The following PRSS12 variants were observed in gnomAD, a reference collection of about 807,000 sequenced individuals.
PRSS12 encodes the protein serine protease 12, also known as neurotrypsin.
Under a neutral mutation model 104.4 loss-of-function variants are expected in PRSS12, and 85 were observed. The observed-to-expected ratio is 0.81, with a 90% CI of 0.68 to 0.98. The LOEUF (loss-of-function observed/expected upper bound fraction) is 0.98. Among genes scored for constraint, PRSS12 ranks in the 50% least tolerant of loss-of-function variants. PRSS12 has a pLI of 0.00. For missense variants in PRSS12, 1,141 were observed against 1,139.2 expected, an observed-to-expected ratio of 1.00 and a Z score of -0.02; for synonymous variants, 454 against 425.2, an observed-to-expected ratio of 1.07 and a Z score of -0.83.
At chr4:118,348,344 C>T (rs80164490) in intron 1 of PRSS12, among the ~76,000 whole-genome samples, 6,468 of 152,336 alleles carry the variant, frequency 0.042, 217 homozygotes, top group South Asian at 0.14. Context: ...CTCCTAAAGC[C>T]TAACAGGGTT....
intron 2 of PRSS12, among the ~76,000 whole-genome samples, chr4:118,336,481 T>G (rs1474774203): frequency 1.3e-5 from 2 of 152,170 alleles, no homozygotes; most frequent in Non-Finnish European, 2.9e-5. Flanking sequence ...AACCAAACTG[T>G]AAATATTTGG....
chr4:118,336,099 C>T (rs1214931811), intron 2 of PRSS12, among the ~76,000 whole-genome samples: 1 of 152,190 alleles, frequency 6.6e-6, no homozygotes, highest in Non-Finnish European at 1.5e-5. Context: ...AAGATTCTTT[C>T]TGACTCTAAC....
intron 4 of PRSS12, among the ~76,000 whole-genome samples, chr4:118,328,105 A>C (rs1399294086): frequency 2.6e-5 from 4 of 152,332 alleles, no homozygotes; most frequent in South Asian, 4.1e-4. Flanking sequence ...CCATTAAAAA[A>C]CAATCCTCAT....
chr4:118,318,459 C>G lies in PRSS12; in HGVS notation c.1069G>C (p.Glu357Gln). Residue 357 changes from glutamate (E) to glutamine (Q), a missense_variant, in exon 5 of 13, where the codon GAG becomes CAG. Physicochemically the swap from Glu to Gln is conservative, Grantham distance 29. Coordinates refer to ENST00000296498, the MANE Select transcript of PRSS12 (RefSeq NM_003619.4). ...VRCTGNELSIEQCPKSSWGEH... is the reference protein window; with the variant it reads ...VRCTGNELSIQQCPKSSWGEH... ...CCCCAGGAGCTCTTTGGACACTGCT[C>G]AATTGAAAGCTCATTCCCAGTGCAG... 1 of 1,614,124 alleles carries G rather than the reference C, an allele frequency of 6.2e-7. No individual in the cohort carries two copies. The highest frequency in any genetic ancestry group is 8.5e-7 in the Non-Finnish European group (1 of 1,180,002).
chr4:118,282,106 T>A lies in PRSS12; in HGVS notation c.2458A>T (p.Ser820Cys), dbSNP rs760625530. The A allele has an allele frequency of 1.5e-5, 24 of 1,614,226 alleles. No individual in the cohort carries two copies. The African/African-American group carries it at 2.9e-4, about 20-fold the overall frequency. Residue 820 changes from serine to cysteine, a missense_variant, in exon 13 of 13, where the codon AGC (serine) becomes TGC (cysteine). By Grantham distance (112) the Ser-to-Cys change is moderately radical. Coordinates refer to ENST00000296498, the MANE Select transcript of PRSS12 (RefSeq NM_003619.4). The stretch of plus-strand genomic sequence containing the variant: ...GGTCCTCCGCTGTCTCCCTGGCAGC[T>A]GTCCACGCGTTTGTGTTCATGGAGG... ...GNLHEHKRVDSCQGDSGGPLM... is the reference protein window; with the variant it reads ...GNLHEHKRVDCCQGDSGGPLM...
At chr4:118,337,556 C>G (rs1490306105) in intron 2 of PRSS12, among the ~76,000 whole-genome samples, 1 of 151,986 alleles carries the variant, frequency 6.6e-6, no homozygotes, top group African/African-American at 2.4e-5. Context: ...GACAGCTCCT[C>G]AGGACAGCAG....
intron 7 of PRSS12, among the ~76,000 whole-genome samples, chr4:118,310,854 C>A (rs990106687): frequency 6.6e-6 from 1 of 152,102 alleles, no homozygotes; most frequent in African/African-American, 2.4e-5. Context: ...AGTTTGGGGC[C>A]AGCCTGGCCA....
intron 11 of PRSS12, among the ~76,000 whole-genome samples, chr4:118,293,844 C>CAT (rs1413535320): frequency 3.3e-5 from 5 of 152,148 alleles, no homozygotes; most frequent in Non-Finnish European, 7.3e-5. Flanking sequence ...GAAGGGAATC[C>CAT]ATATTCCAGG....
At chr4:118,331,990 G>C (rs1391982463) in intron 3 of PRSS12, 124 bp from the exon 4 acceptor site, 13 of 1,217,598 alleles carry the variant, frequency 1.1e-5, no homozygotes, top group African/African-American at 1.5e-5. Context: ...CCACACCAGT[G>C]ATATGGACAT....
intron 8 of PRSS12, among the ~76,000 whole-genome samples, chr4:118,300,988 C>A (rs1336614968): frequency 6.6e-6 from 1 of 152,076 alleles, no homozygotes; most frequent in African/African-American, 2.4e-5. Flanking sequence ...TCTTTGTGGG[C>A]AGCTTAGATT....
intron 3 of PRSS12, among the ~76,000 whole-genome samples, chr4:118,334,051 C>T (rs1724000664): frequency 1.3e-5 from 2 of 152,120 alleles, no homozygotes; most frequent in African/African-American, 4.8e-5. Flanking sequence ...AAGTGTAATT[C>T]CCAAATTTAA....
In PRSS12 at chr4:118,352,380, T is replaced by C. The variant is rs778595048; in HGVS notation, c.341A>G (p.Glu114Gly). 37 of 1,551,294 alleles carry C rather than the reference T, an allele frequency of 2.4e-5. 1 individual carries two copies. The South Asian group carries it at 4.1e-4, about 17-fold the overall frequency. ...DFGAPCLRWA[E>G]VPPFLERSPP... The stretch of plus-strand genomic sequence containing the variant: ...CGACCGCTCCAGGAAGGGTGGCACC[T>C]CCGCCCACCGCAGACACGGGGCGCC... The change falls in exon 1 of 13, where the codon GAG becomes GGG. Residue 114 changes from glutamate to glycine, a missense_variant. Transcript: ENST00000296498.
intron 8 of PRSS12, among the ~76,000 whole-genome samples, chr4:118,299,754 A>ATAAATAAAAT (rs1166431951): frequency 6.3e-5 from 3 of 47,286 alleles, no homozygotes; most frequent in African/African-American, 1.7e-4. Flanking sequence ...AATAAATAAA[A>ATAAATAAAAT]TAAATAAAAT....
In PRSS12 at chr4:118,339,090, C is replaced by T. The variant is rs114017903; in HGVS notation, c.503-776G>A. The stretch of plus-strand genomic sequence containing the variant: ...AAAAGAGCCAAGATTTAAATTCAAG[C>T]ACCCTTAGGAAAGATAACACTTTGG... On this transcript the variant is annotated intron_variant, in intron 1 of 12. Coordinates refer to ENST00000296498, the MANE Select transcript of PRSS12 (RefSeq NM_003619.4). 6.8e-3 allele frequency among the ~76,000 whole-genome samples: 1,036 copies of T among 152,214 alleles called. 13 individuals carry two copies. Among genetic ancestry groups the T allele is most frequent in the African/African-American group, 0.023 (950 of 41,528 alleles).
rs34020677 is a variant in PRSS12 at position 118,305,136 on chromosome 4, C to CATAT, written c.1631+3296_1631+3299dup. ...ATATATATATACACACACACACACA[C>CATAT]ATATATATATATACTGAAAATATAC... On this transcript the variant is annotated intron_variant, in intron 8 of 12. Transcript: ENST00000296498. Among the ~76,000 whole-genome samples the CATAT allele has an allele frequency of 1.2e-3, 185 of 148,280 alleles. 1 individual carries two copies. Among genetic ancestry groups the CATAT allele is most frequent in the Non-Finnish European group, 4.9e-4 (33 of 67,110 alleles).
chr4:118,335,073 C>T (rs1282005776), intron 3 of PRSS12, among the ~76,000 whole-genome samples: 2 of 152,120 alleles, frequency 1.3e-5, no homozygotes, highest in African/African-American at 4.8e-5. Flanking sequence ...TTGCATTACA[C>T]AAAGTGAAAA....
rs1489558407 is a variant in PRSS12, at chr4:118,281,565, G to T, written c.*371C>A. The stretch of plus-strand genomic sequence containing the variant: ...GGTACCGCATTTATGTCAAATGTGG[G>T]TATTTAATATGATTTCAGACACCAC... On this transcript the variant is annotated 3_prime_UTR_variant, in exon 13 of 13. Coordinates refer to ENST00000296498, the MANE Select transcript of PRSS12 (RefSeq NM_003619.4). The T allele has an allele frequency of 6.6e-6, 2 of 302,868 alleles. No individual in the cohort carries two copies. The highest frequency in any genetic ancestry group is 1.3e-5 in the Non-Finnish European group (2 of 155,804). 18.8% of individuals were successfully genotyped at this position (302,868 alleles called of 1,614,324 possible). A position where few individuals can be genotyped will look rare whatever the true frequency, so the allele number is the denominator to read the frequency against.
Position 118,331,793 on chromosome 4 carries a change from A to G in PRSS12, c.894T>C (p.Ala298=). The G allele has an allele frequency of 1.2e-6, 2 of 1,614,206 alleles. No homozygotes were observed. Among genetic ancestry groups the G allele is most frequent in the Non-Finnish European group, 1.7e-6 (2 of 1,180,022 alleles). ...VHEGRVELYH[A]GQWGTVCDDQ... ...CATCACAAACGGTTCCCCACTGGCC[A>G]GCATGGTAGAGCTCCACCCGGCCTT... The change falls in exon 4 of 13, where the codon GCT becomes GCC. Residue 298 remains alanine, a synonymous_variant. Transcript: ENST00000296498.
chr4:118,338,108 A>T (rs1191960070), intron 2 of PRSS12, 68 bp downstream of exon 2: 8 of 1,588,800 alleles, frequency 5.0e-6, no homozygotes, highest in Admixed American at 1.7e-5. Flanking sequence ...TTTACAAAGC[A>T]ATGACGGGCA....
Sources: allele counts gnomAD v4.1 joint callset (sites outside exome capture counted in the v4.1 genomes callset), GRCh38; gene constraint gnomAD v4.1.1; transcripts MANE v1.5; gene names NCBI Gene and HGNC (gene_info 2026-07-23, HGNC 2026-07-21).